The following PROCA1 variants were observed in gnomAD, a reference collection of about 807,000 sequenced individuals.
The protein encoded by PROCA1 is protein PROCA1.
A neutral mutation model predicts 23.2 loss-of-function variants in PROCA1; 22 were observed. The observed-to-expected ratio is 0.95, with a 90% CI of 0.68 to 1.35. The LOEUF (loss-of-function observed/expected upper bound fraction) is 1.35. Ranked by LOEUF, PROCA1 falls within the 40% of genes most tolerant of loss-of-function variation. The pLI is 0.00. For missense variants in PROCA1, 469 were observed against 459.8 expected (o/e 1.02, Z -0.18); for synonymous variants, 182 against 179.2 (o/e 1.02, Z -0.12).
chr17:28,709,488 C>T (rs1345457819), intron 1 of PROCA1, among the ~76,000 whole-genome samples: 1 of 151,898 alleles, frequency 6.6e-6, no homozygotes, highest in African/African-American at 2.4e-5. Flanking sequence ...ATCTCCTGAC[C>T]TCGTGATCCG....
At chr17:28,708,731 G>GAAAAAAAAA (rs557817689) in intron 1 of PROCA1, among the ~76,000 whole-genome samples, 6 of 100,978 alleles carry the variant, frequency 5.9e-5, no homozygotes, top group Admixed American at 1.0e-4. Context: ...CCAGAAAAAG[G>GAAAAAAAAA]AAAAAAAAAA....
In PROCA1 at chr17:28,704,838, A is replaced by C; in HGVS notation, c.181T>G (p.Cys61Gly). The C allele has an allele frequency of 6.2e-7, 1 of 1,612,344 alleles. No homozygotes were observed. Among genetic ancestry groups the C allele is most frequent in the Non-Finnish European group, 8.5e-7 (1 of 1,179,792 alleles). The change falls in exon 3 of 5, where the codon TGC (cysteine) becomes GGC (glycine). Residue 61 changes from cysteine (C) to glycine (G), a missense_variant. By Grantham distance (159) the Cys-to-Gly change is radical. Coordinates refer to ENST00000682792, the MANE Select transcript of PROCA1 (RefSeq NM_001366301.1). Reference protein sequence around the residue: ...TDVSTFSEGDCKEPDKCCWRH... With the variant: ...TDVSTFSEGDGKEPDKCCWRH... ...CAGCAGCACTTGTCAGGCTCCTTGC[A>C]GTCACCTGAGGGGGCAGGAGTCTGG...
In PROCA1 at chr17:28,704,326, C is replaced by T. The variant is rs1471671009; in HGVS notation, c.421G>A (p.Glu141Lys). 1 of 1,613,826 alleles carries T rather than the reference C, an allele frequency of 6.2e-7. No homozygotes were observed. Among genetic ancestry groups the T allele is most frequent in the African/African-American group, 1.3e-5 (1 of 75,056 alleles). Residue 141 changes from glutamate (E) to lysine (K), a missense_variant, in exon 4 of 5, where the codon GAG becomes AAG. Physicochemically the swap from Glu to Lys is moderately conservative, Grantham distance 56. Coordinates refer to ENST00000682792, the MANE Select transcript of PROCA1 (RefSeq NM_001366301.1). ...FELTPEEEHV[E>K]RFRYGWCKSY... ...ACTCACCAGCCATACCGGAATCGCT[C>T]CACATGCTCCTCCTCCGGTGTGAGC... is the stretch of plus-strand genomic sequence containing the variant.
At chr17:28,709,472 G>T (rs1437340625) in intron 1 of PROCA1, among the ~76,000 whole-genome samples, 1 of 151,864 alleles carries the variant, frequency 6.6e-6, no homozygotes, top group East Asian at 2.0e-4. Flanking sequence ...AGCCAGGATG[G>T]TCTTGATCTC....
Position 28,709,969 on chromosome 17 carries a change from T to G in PROCA1, c.91+1601A>C, listed in dbSNP as rs1421323304. Among the ~76,000 whole-genome samples, 5 of 151,032 alleles carry G rather than the reference T, an allele frequency of 3.3e-5. No homozygotes were observed. In the East Asian group the frequency reaches 1.0e-3, roughly 30 times the overall value. On this transcript the variant is annotated intron_variant, in intron 1 of 4. Coordinates refer to ENST00000682792, the MANE Select transcript of PROCA1 (RefSeq NM_001366301.1). ...CCGATATCGTGCTACTGCACTCCAG[T>G]GTGGGCAGCAGAGTGAGACGGCGGG...
In PROCA1 at chr17:28,710,350, T is replaced by TA. The variant is rs931907743; in HGVS notation, c.91+1219dup. On this transcript the variant is annotated intron_variant, in intron 1 of 4. Transcript: ENST00000682792. ...CGTCTCTACTAAAAATAAAAAAAAA[T>TA]AAAAAAAATAGCTGGGCGTGGTGGC... Among the ~76,000 whole-genome samples, 22 of 149,492 alleles carry TA rather than the reference T, an allele frequency of 1.5e-4. 1 individual carries two copies. The highest frequency in any genetic ancestry group is 4.2e-4 in the South Asian group (2 of 4,718).
chr17:28,711,033 G>A lies in PROCA1; in HGVS notation c.91+537C>T, dbSNP rs997078568. On this transcript the variant is annotated intron_variant, in intron 1 of 4. Coordinates refer to ENST00000682792, the MANE Select transcript of PROCA1 (RefSeq NM_001366301.1). ...GGGAGGGAAGAAACTAGGAGAGGAA[G>A]GAGGGAAGAGGAGGAAGCAAGGGAG... 24 of 1,195,386 alleles carry A rather than the reference G, an allele frequency of 2.0e-5. No homozygotes were observed. In the African/African-American group the frequency reaches 3.3e-4, roughly 16 times the overall value. The allele number at this position is 1,195,386 out of a possible 1,614,324, so 74.0% of individuals were successfully genotyped here.
At position 28,703,781 on chromosome 17, in the gene PROCA1, C is replaced by G; in HGVS notation, c.872G>C (p.Arg291Thr). Reference sequence around the variant, plus strand: ...GCTTTCTGGGCTGGACTCGGACATCCTGGCCAGCTGTCTTGCGCTTAATGA... The same window carrying G: ...GCTTTCTGGGCTGGACTCGGACATCGTGGCCAGCTGTCTTGCGCTTAATGA... ...SRSLSARQLA[R>T]MSESSPESRE... Residue 291 changes from arginine (R) to threonine (T), a missense_variant, in exon 5 of 5, where the codon AGG (arginine) becomes ACG (threonine). Coordinates refer to ENST00000682792, the MANE Select transcript of PROCA1 (RefSeq NM_001366301.1). The G allele has an allele frequency of 6.2e-7, 1 of 1,614,200 alleles. No homozygotes were observed. Among genetic ancestry groups the G allele is most frequent in the Non-Finnish European group, 8.5e-7 (1 of 1,180,052 alleles).
rs777518941 is a variant in PROCA1 at position 28,711,132 on chromosome 17, G to T, written c.91+438C>A. 7.6e-6 allele frequency: 9 copies of T among 1,186,094 alleles called. No individual in the cohort carries two copies. The African/African-American group carries it at 1.4e-4, about 19-fold the overall frequency. The allele number at this position is 1,186,094 out of a possible 1,614,324, so 73.5% of individuals were successfully genotyped here. On this transcript the variant is annotated intron_variant, in intron 1 of 4. Transcript: ENST00000682792. ...CGCGGAGGTAATTGTGATGCCACGGGTGGAACCCTCAGTCTCCTTGGTCCA... is the reference window on the plus strand; with the variant it reads ...CGCGGAGGTAATTGTGATGCCACGGTTGGAACCCTCAGTCTCCTTGGTCCA...
chr17:28,705,227 G>A (rs1407510995), intron 2 of PROCA1: 1 of 214,350 alleles, frequency 4.7e-6, no homozygotes, highest in Non-Finnish European at 9.5e-6. Context: ...CACAGCCCCA[G>A]GAGCAGCAGA....
intron 1 of PROCA1, 56 bp downstream of exon 1, chr17:28,711,514 C>T (rs111975624): frequency 2.1e-6 from 3 of 1,451,696 alleles, no homozygotes; most frequent in Non-Finnish European, 2.8e-6. Context: ...GTGCGCCGCT[C>T]GGGGTCTGCG....
chr17:28,711,846 A>G lies in PROCA1; in HGVS notation c.-186T>C, dbSNP rs1372567543. ...TCCCCAGCCCGGCTCCAGGCTGCGTAGTCTTCCCAGCTGGGTCTCAGCGTC... is the reference window on the plus strand; with the variant it reads ...TCCCCAGCCCGGCTCCAGGCTGCGTGGTCTTCCCAGCTGGGTCTCAGCGTC... On this transcript the variant is annotated 5_prime_UTR_variant, in exon 1 of 5. Transcript: ENST00000682792. The G allele has an allele frequency of 7.5e-6, 4 of 535,888 alleles. No individual in the cohort carries two copies. The highest frequency in any genetic ancestry group is 2.5e-5 in the South Asian group (1 of 39,772). The allele number at this position is 535,888 out of a possible 1,614,324, so 33.2% of individuals were successfully genotyped here.
At chr17:28,704,975 T>A in intron 2 of PROCA1, 132 bp from the exon 3 acceptor site, 1 of 823,152 alleles carries the variant, frequency 1.2e-6, no homozygotes, top group Non-Finnish European at 1.9e-6. Context: ...TCTGCTTCAG[T>A]AGTAGTAACT....
intron 1 of PROCA1, chr17:28,711,005 G>GAAGGGAGGGAAGGAGTAGGGCGGA: frequency 3.8e-6 from 2 of 532,002 alleles, no homozygotes; most frequent in Non-Finnish European, 5.8e-6. Context: ...AGTAGGGCGG[G>GAAGGGAGGGAAGGAGTAGGGCGGA]AAGGGAGGGA....
At position 28,704,449 on chromosome 17, in the gene PROCA1, G is replaced by T; in HGVS notation, c.312-14C>A. 6.2e-7 allele frequency: 1 copy of T among 1,607,466 alleles called. No individual in the cohort carries two copies. The highest frequency in any genetic ancestry group is 1.1e-5 in the South Asian group (1 of 90,574). On this transcript the variant is annotated splice_polypyrimidine_tract_variant and intron_variant, in intron 3 of 4. Transcript: ENST00000682792. ...GAGTCCTTCAGCCTGCCACACATGGGACTCTCAGCCTGGCTCCCATCACTC... is the reference window on the plus strand; with the variant it reads ...GAGTCCTTCAGCCTGCCACACATGGTACTCTCAGCCTGGCTCCCATCACTC...
In PROCA1 at chr17:28,703,724, T is replaced by C. The variant is rs779531231; in HGVS notation, c.929A>G (p.Asn310Ser). ...GGACAGTTCTCCCTGCCCCCGGCCA[T>C]TGTAACTGTCCTCGCTCTCCAGCTC... ...REELESEDSY[N>S]GRGQGELSSE... The change falls in exon 5 of 5, where the codon AAT (asparagine) becomes AGT (serine). Residue 310 changes from asparagine (N) to serine (S), a missense_variant. Asn to Ser is a conservative substitution (Grantham distance 46). Coordinates refer to ENST00000682792, the MANE Select transcript of PROCA1 (RefSeq NM_001366301.1). 2.5e-6 allele frequency: 4 copies of C among 1,614,006 alleles called. No individual in the cohort carries two copies. The African/African-American group carries it at 5.3e-5, about 22-fold the overall frequency.
intron 1 of PROCA1, 177 bp from the exon 2 acceptor site, chr17:28,706,940 T>TGGGGGGG (rs1567716248): frequency 0.036 from 7 of 194 alleles, 3 homozygotes; most frequent in Admixed American, 0.071. Flanking sequence ...GGTGGGGCTA[T>TGGGGGGG]GAGGGGGAGG....
chr17:28,708,905 G>A (rs2032652250), intron 1 of PROCA1, among the ~76,000 whole-genome samples: 1 of 152,030 alleles, frequency 6.6e-6, no homozygotes, highest in Non-Finnish European at 1.5e-5. Context: ...TGAGGTGGGA[G>A]GATTACCTGA....
Position 28,703,208 on chromosome 17 carries a change from G to T in PROCA1, c.*350C>A, listed in dbSNP as rs2032210341. On this transcript the variant is annotated 3_prime_UTR_variant, in exon 5 of 5. Transcript: ENST00000682792. ...ACAGTGGCACAGAGTGGGTTAAAAA[G>T]TTCCGTTTATTGGGGGTATCGCTGC... The T allele has an allele frequency of 1.2e-5, 3 of 244,396 alleles. No homozygotes were observed. In the South Asian group the frequency reaches 2.5e-4, roughly 20 times the overall value. 15.1% of individuals were successfully genotyped at this position (244,396 alleles called of 1,614,324 possible).
Sources: gnomAD v4.1 joint callset for allele counts (sites outside exome capture counted in the v4.1 genomes callset) on GRCh38, gnomAD v4.1.1 for gene constraint, MANE v1.5 for transcripts, NCBI Gene and HGNC (gene_info 2026-07-23, HGNC 2026-07-21) for gene names.